TCF12: variants seen among roughly 807,000 people sequenced by gnomAD.
TCF12 encodes the protein DNA-binding protein HTF4.
Under a neutral mutation model 86.0 loss-of-function variants are expected in TCF12, and 45 were observed. The ratio of observed to expected loss-of-function variants is 0.52; its 90% confidence interval spans 0.41 to 0.67. The LOEUF (loss-of-function observed/expected upper bound fraction) is 0.67. TCF12 is among the 30% of genes least tolerant of loss of function. The pLI, the probability that TCF12 is intolerant of heterozygous loss-of-function variation, is 0.00. For synonymous variants in TCF12, 330 were observed against 299.6 expected (o/e 1.10, Z -1.05); for missense variants, 881 against 859.9 (o/e 1.02, Z -0.31).
At chr15:56,994,662 G>GA (rs1388517765) in intron 3 of TCF12, among the ~76,000 whole-genome samples, 3 of 151,832 alleles carry the variant, frequency 2.0e-5, no homozygotes, top group Non-Finnish European at 2.9e-5. Context: ...GAATAAAGAA[G>GA]AAAAAACAAT....
intron 4 of TCF12, among the ~76,000 whole-genome samples, chr15:57,079,539 T>A (rs1276131319): frequency 1.3e-5 from 2 of 152,116 alleles, no homozygotes; most frequent in Non-Finnish European, 2.9e-5. Flanking sequence ...TTTGATTAGA[T>A]CAATTGACGT....
At chr15:57,175,592 C>A (rs1384278370) in intron 6 of TCF12, among the ~76,000 whole-genome samples, 1 of 152,134 alleles carries the variant, frequency 6.6e-6, no homozygotes, top group African/African-American at 2.4e-5. Context: ...CAATTTTGAT[C>A]TTTGTTTATG....
At chr15:57,026,056 T>C (rs1448453748) in intron 3 of TCF12, among the ~76,000 whole-genome samples, 1 of 152,210 alleles carries the variant, frequency 6.6e-6, no homozygotes, top group Admixed American at 6.5e-5. Context: ...GAAGATAATA[T>C]AGATTTCTCT....
chr15:57,067,368 G>A (rs1043670156), intron 4 of TCF12, among the ~76,000 whole-genome samples: 3 of 151,440 alleles, frequency 2.0e-5, no homozygotes, highest in Admixed American at 1.3e-4. Context: ...GTGAAACCCC[G>A]TCTCTACTAA....
chr15:57,159,198 T>A (rs2054324798), intron 5 of TCF12, among the ~76,000 whole-genome samples: 1 of 152,208 alleles, frequency 6.6e-6, no homozygotes, highest in Non-Finnish European at 1.5e-5. Context: ...GTGGGGTCAT[T>A]GATGTTAAGC....
chr15:57,170,611 G>T (rs1423011133), intron 6 of TCF12, among the ~76,000 whole-genome samples: 2 of 119,968 alleles, frequency 1.7e-5, no homozygotes, highest in Non-Finnish European at 3.3e-5. Context: ...GCATGCAGCC[G>T]CCATGCCCTG....
At chr15:57,035,436 T>C (rs533436010) in intron 3 of TCF12, among the ~76,000 whole-genome samples, 1 of 152,124 alleles carries the variant, frequency 6.6e-6, no homozygotes. Context: ...GCTAATTTTT[T>C]AAAATTTTTT....
At chr15:56,990,571 T>C (rs2063401903) in intron 3 of TCF12, among the ~76,000 whole-genome samples, 1 of 152,154 alleles carries the variant, frequency 6.6e-6, no homozygotes, top group South Asian at 2.1e-4. Context: ...TAAAAAAATA[T>C]TGGATCTACA....
chr15:57,271,566 C>T (rs2061145193), intron 18 of TCF12, among the ~76,000 whole-genome samples: 1 of 152,176 alleles, frequency 6.6e-6, no homozygotes, highest in African/African-American at 2.4e-5. Flanking sequence ...ATGCCCCACC[C>T]TGATTCAGCT....
chr15:56,923,834 T>C (rs1250278399), intron 3 of TCF12, among the ~76,000 whole-genome samples: 1 of 152,172 alleles, frequency 6.6e-6, no homozygotes, highest in African/African-American at 2.4e-5. Context: ...ATCTCTCTGG[T>C]GTTTCTATCT....
At chr15:57,270,269 T>C (rs2061072667) in intron 18 of TCF12, among the ~76,000 whole-genome samples, 1 of 152,214 alleles carries the variant, frequency 6.6e-6, no homozygotes, top group East Asian at 1.9e-4. Context: ...TTCACTCTTT[T>C]TTCTCTAAGC....
intron 5 of TCF12, among the ~76,000 whole-genome samples, chr15:57,128,706 C>G (rs926877415): frequency 1.3e-5 from 2 of 152,160 alleles, no homozygotes; most frequent in Non-Finnish European, 2.9e-5. Context: ...CCTCCTTCAC[C>G]CATCTCCTAG....
intron 3 of TCF12, among the ~76,000 whole-genome samples, chr15:57,002,522 A>G (rs2064110249): frequency 6.6e-6 from 1 of 152,200 alleles, no homozygotes; most frequent in East Asian, 1.9e-4. Context: ...ATGTTGATTG[A>G]CTATAATTAA....
chr15:57,129,278 A>G (rs933984287), intron 5 of TCF12, among the ~76,000 whole-genome samples: 2 of 152,232 alleles, frequency 1.3e-5, no homozygotes, highest in Non-Finnish European at 2.9e-5. Context: ...TAATGAATAT[A>G]GGTTGGGTGC....
chr15:57,143,771 A>G (rs1215357376), intron 5 of TCF12, among the ~76,000 whole-genome samples: 3 of 152,318 alleles, frequency 2.0e-5, no homozygotes, highest in East Asian at 3.9e-4. Context: ...TGGTAGAAGA[A>G]AGAGAGGGAA....
At position 57,253,334 on chromosome 15, in the gene TCF12, C is replaced by G; in HGVS notation, c.1333C>G (p.Pro445Ala). 6.2e-7 allele frequency: 1 copy of G among 1,613,990 alleles called. No individual in the cohort carries two copies. The highest frequency in any genetic ancestry group is 8.5e-7 in the Non-Finnish European group (1 of 1,179,972). The change falls in exon 16 of 21, where the codon CCT (proline) becomes GCT (alanine). Residue 445 changes from proline (P) to alanine (A), a missense_variant. By Grantham distance (27) the Pro-to-Ala change is conservative. Coordinates refer to ENST00000333725, the MANE Select transcript of TCF12 (RefSeq NM_207037.2). ...TGTGCTGCGGAACCATGCTGTGGGA[C>G]CTTCCACCAGTTTGCCTGCTGGTCA... ...IHVLRNHAVG[P>A]STSLPAGHSD...
At chr15:57,087,966 G>A (rs2048755102) in intron 4 of TCF12, among the ~76,000 whole-genome samples, 1 of 152,006 alleles carries the variant, frequency 6.6e-6, no homozygotes, top group African/African-American at 2.4e-5. Flanking sequence ...TAGGAGTCCT[G>A]GGAGCCATGT....
chr15:57,156,513 TCTTTC>T (rs2054119091), intron 5 of TCF12, among the ~76,000 whole-genome samples: 1 of 152,354 alleles, frequency 6.6e-6, no homozygotes, highest in East Asian at 1.9e-4. Context: ...TTGACTAGTT[TCTTTC>T]CTTCTCTTCC....
At chr15:56,928,101 A>G (rs1448347362) in intron 3 of TCF12, among the ~76,000 whole-genome samples, 1 of 152,220 alleles carries the variant, frequency 6.6e-6, no homozygotes, top group Admixed American at 6.5e-5. Context: ...CTCAGGAGCC[A>G]GACAACTGGA....
Sources: gnomAD v4.1 joint callset for allele counts (sites outside exome capture counted in the v4.1 genomes callset) on GRCh38, gnomAD v4.1.1 for gene constraint, MANE v1.5 for transcripts, NCBI Gene and HGNC (gene_info 2026-07-23, HGNC 2026-07-21) for gene names.